Variants in AFAP1 observed in about 807,000 individuals in gnomAD.
AFAP1 encodes the protein actin filament associated protein 1.
AFAP1 carries 75 observed loss-of-function variants against 93.9 expected under a neutral mutation model. That is an observed-to-expected ratio of 0.80 (90% CI 0.66 to 0.97). The LOEUF is 0.97. Among genes scored for constraint, AFAP1 ranks in the 50% least tolerant of loss-of-function variants. AFAP1 has a pLI of 0.00. For missense variants in AFAP1, 1,201 were observed against 1,050.8 expected (o/e 1.14, Z -1.98); for synonymous variants, 517 against 430.7 (o/e 1.20, Z -2.48).
chr4:7,878,524 G>A (rs991242543), intron 1 of AFAP1, among the ~76,000 whole-genome samples: 3 of 152,194 alleles, frequency 2.0e-5, no homozygotes, highest in Non-Finnish European at 4.4e-5. Flanking sequence ...AGGTGCCCTT[G>A]TTTTCCTCCA....
At chr4:7,767,585 T>C (rs957036558) in intron 17 of AFAP1, among the ~76,000 whole-genome samples, 1 of 152,068 alleles carries the variant, frequency 6.6e-6, no homozygotes, top group Non-Finnish European at 1.5e-5. Context: ...CATTCCTCCC[T>C]TCCCCAGACT....
chr4:7,782,741 G>A (rs553738989), intron 12 of AFAP1, among the ~76,000 whole-genome samples: 13 of 152,212 alleles, frequency 8.5e-5, no homozygotes, highest in Non-Finnish European at 1.2e-4. Context: ...TCTGCCAGAC[G>A]GTAATTACAA....
chr4:7,823,434 T>A (rs1490883846), intron 6 of AFAP1, among the ~76,000 whole-genome samples: 1 of 149,648 alleles, frequency 6.7e-6, no homozygotes, highest in South Asian at 2.2e-4. Flanking sequence ...GAGGAAAAAG[T>A]GTTGTTTTGT....
chr4:7,890,571 A>G (rs1426927864), intron 1 of AFAP1, among the ~76,000 whole-genome samples: 1 of 152,226 alleles, frequency 6.6e-6, no homozygotes, highest in Non-Finnish European at 1.5e-5. Context: ...TACACATTTC[A>G]TGACACAGCA....
intron 1 of AFAP1, among the ~76,000 whole-genome samples, chr4:7,938,165 G>A (rs1228490854): frequency 6.6e-6 from 1 of 151,780 alleles, no homozygotes; most frequent in Non-Finnish European, 1.5e-5. Flanking sequence ...GAGGTGCGGC[G>A]TAGAGTGGGG....
rs1050346441 is a variant in AFAP1 at position 7,798,870 on chromosome 4, A to G, written c.1266+1572T>C. On this transcript the variant is annotated intron_variant, in intron 10 of 17. Transcript: ENST00000420658. ...AGCTTCTCTGTCTGGGCACTTGCCC[A>G]GCATCTCCCTCTTCATTCCTGTATC... 1.3e-5 allele frequency: 13 copies of G among 986,370 alleles called. No homozygotes were observed. The African/African-American group carries it at 2.3e-4, about 17-fold the overall frequency. 61.1% of individuals were successfully genotyped at this position (986,370 alleles called of 1,614,324 possible).
rs1714117896 is a variant in AFAP1, at chr4:7,763,637, G to GCTCAGTCGTGGAGCCTC, written c.*111_*127dup. On this transcript the variant is annotated 3_prime_UTR_variant, in exon 18 of 18. Transcript: ENST00000420658. Reference sequence around the variant, plus strand: ...CTGGGGGACAGGCACTGGCCTCAGAGCTCAGTCGTGGAGCCTCTGGAGTCG... The same window carrying GCTCAGTCGTGGAGCCTC: ...CTGGGGGACAGGCACTGGCCTCAGAGCTCAGTCGTGGAGCCTCCTCAGTCGTGGAGCCTCTGGAGTCG... The GCTCAGTCGTGGAGCCTC allele has an allele frequency of 5.4e-6, 6 of 1,107,420 alleles. No individual in the cohort carries two copies. In the South Asian group the frequency reaches 8.9e-5, roughly 16 times the overall value. 68.6% of individuals were successfully genotyped at this position (1,107,420 alleles called of 1,614,324 possible).
At chr4:7,931,423 GCT>G (rs1196952682) in intron 1 of AFAP1, among the ~76,000 whole-genome samples, 2 of 151,818 alleles carry the variant, frequency 1.3e-5, no homozygotes, top group Non-Finnish European at 2.9e-5. Flanking sequence ...AGAGGGTCTT[GCT>G]CTGTTGCTCA....
intron 4 of AFAP1, among the ~76,000 whole-genome samples, chr4:7,846,444 A>G (rs1713711565): frequency 2.0e-5 from 3 of 152,164 alleles, no homozygotes; most frequent in South Asian, 4.2e-4. Context: ...TCCAACGTAA[A>G]CTGAGGGGTT....
rs547799714 is a variant in AFAP1, at chr4:7,882,627, G to A, written c.-2-10547C>T. ...TGTCATCTCAGCACTTTGGAAGGCCGAGGCAGGCAGAGCACAAGGTCAGGA... is the reference window on the plus strand; with the variant it reads ...TGTCATCTCAGCACTTTGGAAGGCCAAGGCAGGCAGAGCACAAGGTCAGGA... On this transcript the variant is annotated intron_variant, in intron 1 of 17. Transcript: ENST00000420658. Among the ~76,000 whole-genome samples, 12 of 152,270 alleles carry A rather than the reference G, an allele frequency of 7.9e-5. No individual in the cohort carries two copies. In the South Asian group the frequency reaches 2.5e-3, roughly 32 times the overall value.
At chr4:7,775,691 G>A (rs1051351221) in intron 14 of AFAP1, 11 of 152,212 alleles carry the variant, frequency 7.2e-5, no homozygotes, top group Non-Finnish European at 1.6e-4. Flanking sequence ...GTCTAGGAAG[G>A]AGTCCCAGCT....
At chr4:7,777,111 T>C (rs1380291387) in intron 14 of AFAP1, 6 of 152,200 alleles carry the variant, frequency 3.9e-5, no homozygotes, top group Non-Finnish European at 2.9e-5. Flanking sequence ...CGATTGAGAC[T>C]CCGTGGGACT....
At chr4:7,874,358 T>TTTTTTTTTTTTTTTTTA in intron 1 of AFAP1, among the ~76,000 whole-genome samples, 2 of 55,294 alleles carry the variant, frequency 3.6e-5, no homozygotes, top group African/African-American at 1.1e-4. Context: ...GCCTTTTTCT[T>TTTTTTTTTTTTTTTTTA]TTTTTTTTTT....
intron 9 of AFAP1, among the ~76,000 whole-genome samples, chr4:7,801,294 G>C (rs527364366): frequency 6.6e-6 from 1 of 152,292 alleles, no homozygotes; most frequent in South Asian, 2.1e-4. Flanking sequence ...GACGGGTGAA[G>C]CTGCCCGGAG....
intron 1 of AFAP1, among the ~76,000 whole-genome samples, chr4:7,904,026 G>A (rs958552815): frequency 4.0e-5 from 6 of 151,542 alleles, no homozygotes; most frequent in African/African-American, 7.3e-5. Context: ...GCCTGCACAC[G>A]TGCAAACTGT....
At chr4:7,870,925 G>C (rs533414575) in intron 2 of AFAP1, among the ~76,000 whole-genome samples, 1 of 152,220 alleles carries the variant, frequency 6.6e-6, no homozygotes, top group Admixed American at 6.5e-5. Flanking sequence ...GAAGTGTATG[G>C]CCTGTGAATC....
rs1404687689 is a variant in AFAP1 at position 7,768,846 on chromosome 4, T to C, written c.2416A>G (p.Lys806Glu). ...PCRGHVLRKAKEWELKNGT is the reference protein window; with the variant it reads ...PCRGHVLRKAEEWELKNGT ...CACCCCCGGACATCAGGGCTTACCT[T>C]GGCCTTCCGCAGCACATGCCCTCGG... The change falls in exon 17 of 18, where the codon AAG (lysine) becomes GAG (glutamate). Residue 806 changes from lysine (K) to glutamate (E), a missense_variant and splice_region_variant. Transcript: ENST00000420658. 1.9e-6 allele frequency: 3 copies of C among 1,593,744 alleles called. No homozygotes were observed. The highest frequency in any genetic ancestry group is 2.3e-5 in the East Asian group (1 of 44,146).
chr4:7,850,918 G>A (rs186059249), intron 4 of AFAP1, among the ~76,000 whole-genome samples: 1 of 152,306 alleles, frequency 6.6e-6, no homozygotes, highest in Admixed American at 6.5e-5. Flanking sequence ...CTTCCAGGTG[G>A]CAGGTCCTAC....
rs1211458670 is a variant in AFAP1 at position 7,763,082 on chromosome 4, A to C, written c.*683T>G. Reference sequence around the variant, plus strand: ...CCTTGATCTAAGTGTGACACACAGTAAAAAGACATTCCTAAAAAACAGGTT... The same window carrying C: ...CCTTGATCTAAGTGTGACACACAGTCAAAAGACATTCCTAAAAAACAGGTT... On this transcript the variant is annotated 3_prime_UTR_variant, in exon 18 of 18. Coordinates refer to ENST00000420658, the MANE Select transcript of AFAP1 (RefSeq NM_001134647.2). The C allele has an allele frequency of 6.6e-6, 1 of 152,602 alleles. No individual in the cohort carries two copies. Among genetic ancestry groups the C allele is most frequent in the Non-Finnish European group, 1.5e-5 (1 of 68,046 alleles). The allele number at this position is 152,602 out of a possible 1,614,324, so 9.5% of individuals were successfully genotyped here. A position where few individuals can be genotyped will look rare whatever the true frequency, so the allele number is the denominator to read the frequency against.
Sources: gnomAD v4.1 joint callset for allele counts (sites outside exome capture counted in the v4.1 genomes callset) on GRCh38, gnomAD v4.1.1 for gene constraint, MANE v1.5 for transcripts, NCBI Gene and HGNC (gene_info 2026-07-23, HGNC 2026-07-21) for gene names.